Variants in ANKFN1 observed in about 807,000 individuals in gnomAD.
ANKFN1 encodes ankyrin repeat and fibronectin type-III domain-containing protein 1.
ANKFN1 carries 74 observed loss-of-function variants against 108.7 expected under a neutral mutation model. The ratio of observed to expected loss-of-function variants is 0.68; its 90% CI spans 0.56 to 0.83. The LOEUF (loss-of-function observed/expected upper bound fraction) is 0.83. Ranked by LOEUF, ANKFN1 falls within the 40% of genes least tolerant of loss-of-function variation. The pLI is 0.00. For synonymous variants in ANKFN1, 547 were observed against 516.2 expected (o/e 1.06, Z -0.81); for missense variants, 1,505 against 1,382.3 (o/e 1.09, Z -1.41).
chr17:56,467,923 A>G (rs2050187919), intron 15 of ANKFN1, among the ~76,000 whole-genome samples: 1 of 152,230 alleles, frequency 6.6e-6, no homozygotes, highest in Non-Finnish European at 1.5e-5. Context: ...GAGGCAATTT[A>G]GTGAAGCTAA....
intron 4 of ANKFN1, among the ~76,000 whole-genome samples, chr17:56,079,075 C>T (rs1475484851): frequency 6.6e-6 from 1 of 152,150 alleles, no homozygotes; most frequent in African/African-American, 2.4e-5. Flanking sequence ...AGGGCCAGCT[C>T]ATTCTTCTAA....
At chr17:56,054,111 C>T (rs1477706388) in intron 4 of ANKFN1, among the ~76,000 whole-genome samples, 3 of 152,112 alleles carry the variant, frequency 2.0e-5, no homozygotes, top group Non-Finnish European at 2.9e-5. Flanking sequence ...AATGCTTTTA[C>T]GCTGTTGGTG....
At chr17:56,153,552 A>G (rs374378863) in intron 1 of ANKFN1, 22 bp downstream of exon 1, 1,925 of 1,613,372 alleles carry the variant, frequency 1.2e-3, no homozygotes, top group Non-Finnish European at 1.6e-3. Flanking sequence ...ATAGTTCTAA[A>G]TATCGGTAAT....
intron 5 of ANKFN1, among the ~76,000 whole-genome samples, chr17:56,351,480 G>C (rs2046247705): frequency 6.6e-6 from 1 of 151,638 alleles, no homozygotes; most frequent in Non-Finnish European, 1.5e-5. Context: ...GAAAATATTG[G>C]GTATAAGAAT....
intron 1 of ANKFN1, among the ~76,000 whole-genome samples, chr17:56,194,661 G>T (rs1232842273): frequency 6.6e-6 from 1 of 152,172 alleles, no homozygotes; most frequent in East Asian, 1.9e-4. Flanking sequence ...ATACTATAGT[G>T]TTGGATACAC....
At chr17:56,079,379 G>C (rs1905218014) in intron 4 of ANKFN1, among the ~76,000 whole-genome samples, 1 of 152,128 alleles carries the variant, frequency 6.6e-6, no homozygotes, top group African/African-American at 2.4e-5. Context: ...GCCAGAACCA[G>C]CATCATTAGT....
intron 3 of ANKFN1, among the ~76,000 whole-genome samples, chr17:56,312,965 G>C (rs2045081725): frequency 6.6e-6 from 1 of 152,046 alleles, no homozygotes; most frequent in African/African-American, 2.4e-5. Flanking sequence ...GACCAGCCTG[G>C]CCAAGGTGAT....
intron 4 of ANKFN1, among the ~76,000 whole-genome samples, chr17:56,112,567 G>T (rs1275595037): frequency 1.3e-5 from 2 of 151,944 alleles, no homozygotes; most frequent in Non-Finnish European, 2.9e-5. Context: ...ACCACCATTG[G>T]CTGGATAATG....
chr17:56,326,102 T>C (rs1465404361), intron 3 of ANKFN1, 119 bp from the exon 4 acceptor site: 1 of 1,375,744 alleles, frequency 7.3e-7, no homozygotes, highest in Non-Finnish European at 9.8e-7. Context: ...GCTGTTTACT[T>C]CTCCCTTTCT....
At chr17:56,402,508 T>G (rs1598537393) in intron 8 of ANKFN1, among the ~76,000 whole-genome samples, 1 of 152,202 alleles carries the variant, frequency 6.6e-6, no homozygotes, top group African/African-American at 2.4e-5. Flanking sequence ...AATGATCTTT[T>G]GTATTTCAGT....
intron 4 of ANKFN1, among the ~76,000 whole-genome samples, chr17:56,337,796 A>G (rs2045854476): frequency 1.3e-5 from 2 of 152,216 alleles, no homozygotes; most frequent in Admixed American, 1.3e-4. Context: ...TTAAAAAATC[A>G]GGAAACAACA....
At chr17:56,245,653 G>A (rs916043340) in intron 3 of ANKFN1, 4 of 151,962 alleles carry the variant, frequency 2.6e-5, no homozygotes, top group Non-Finnish European at 4.4e-5. Context: ...CATTTATAAC[G>A]TTTTAAAGTA....
intron 4 of ANKFN1, among the ~76,000 whole-genome samples, chr17:56,115,225 T>C (rs774158616): frequency 2.0e-5 from 3 of 152,212 alleles, no homozygotes; most frequent in Non-Finnish European, 2.9e-5. Context: ...CTGTGATTTG[T>C]ATTTGAGGGG....
chr17:56,441,263 G>A (rs1425278164), intron 9 of ANKFN1, among the ~76,000 whole-genome samples: 1 of 151,976 alleles, frequency 6.6e-6, no homozygotes. Context: ...GGGAAGTAGA[G>A]GGATAATTTT....
intron 4 of ANKFN1, among the ~76,000 whole-genome samples, chr17:56,053,078 C>T (rs1904806071): frequency 6.6e-6 from 1 of 152,082 alleles, no homozygotes; most frequent in East Asian, 1.9e-4. Context: ...GATGAGATCA[C>T]AATAGTGACT....
intron 3 of ANKFN1, among the ~76,000 whole-genome samples, chr17:56,297,794 C>G (rs2044557003): frequency 6.6e-6 from 1 of 152,178 alleles, no homozygotes; most frequent in East Asian, 1.9e-4. Context: ...TCTCAGTCAT[C>G]TTAGAATTAT....
intron 3 of ANKFN1, among the ~76,000 whole-genome samples, chr17:56,246,395 T>A (rs988746435): frequency 6.6e-6 from 1 of 152,152 alleles, no homozygotes; most frequent in African/African-American, 2.4e-5. Context: ...TGTTCAAAGA[T>A]ATCAAGTCCC....
intron 3 of ANKFN1, among the ~76,000 whole-genome samples, chr17:56,295,366 C>T (rs765088420): frequency 6.6e-6 from 1 of 152,172 alleles, no homozygotes; most frequent in Non-Finnish European, 1.5e-5. Flanking sequence ...ATCCTCTACT[C>T]CTATCATTCT....
intron 4 of ANKFN1, among the ~76,000 whole-genome samples, chr17:56,090,552 A>G (rs566191116): frequency 6.6e-6 from 1 of 151,408 alleles, no homozygotes; most frequent in Admixed American, 6.6e-5. Flanking sequence ...AGTCACAAAC[A>G]CTGTCTACTC....
Sources: allele counts gnomAD v4.1 joint callset (sites outside exome capture counted in the v4.1 genomes callset), GRCh38; gene constraint gnomAD v4.1.1; transcripts MANE v1.5; gene names NCBI Gene and HGNC (gene_info 2026-07-23, HGNC 2026-07-21).